Variants in BMP6 observed in about 807,000 individuals in gnomAD.
The protein encoded by BMP6 is bone morphogenetic protein 6.
BMP6 carries 17 observed loss-of-function variants against 54.1 expected under a neutral mutation model. That is an observed-to-expected ratio of 0.31 (90% CI 0.22 to 0.47). The LOEUF is 0.47. Ranked by LOEUF, BMP6 falls within the 20% of genes least tolerant of loss-of-function variation. The pLI, the probability that BMP6 is intolerant of heterozygous loss-of-function variation, is 1.00. For missense variants in BMP6, 720 were observed against 690.4 expected (o/e 1.04, Z -0.48); for synonymous variants, 328 against 291.2 (o/e 1.13, Z -1.28).
intron 2 of BMP6, among the ~76,000 whole-genome samples, chr6:7,855,817 C>T (rs1759220878): frequency 6.6e-6 from 1 of 151,936 alleles, no homozygotes; most frequent in Admixed American, 6.6e-5. Flanking sequence ...GTGTGAGCCA[C>T]CATGCCCTGC....
At chr6:7,813,961 G>C (rs183122000) in intron 1 of BMP6, among the ~76,000 whole-genome samples, 100 of 152,306 alleles carry the variant, frequency 6.6e-4, no homozygotes, top group Non-Finnish European at 1.2e-3. Context: ...CTTCCTTTCA[G>C]GTTGTTGGAA....
chr6:7,731,468 T>G (rs116537594), intron 1 of BMP6, among the ~76,000 whole-genome samples: 1 of 152,256 alleles, frequency 6.6e-6, no homozygotes, highest in African/African-American at 2.4e-5. Flanking sequence ...TTTTTCTTGT[T>G]AAATTTGCTT....
At chr6:7,789,634 G>A (rs1360104985) in intron 1 of BMP6, among the ~76,000 whole-genome samples, 1 of 152,112 alleles carries the variant, frequency 6.6e-6, no homozygotes, top group Non-Finnish European at 1.5e-5. Context: ...CTCATGGAGA[G>A]GGGGTCACTT....
chr6:7,797,448 T>A (rs927684172), intron 1 of BMP6, among the ~76,000 whole-genome samples: 1 of 152,200 alleles, frequency 6.6e-6, no homozygotes, highest in African/African-American at 2.4e-5. Context: ...TAAGAATTCA[T>A]TGAGTGAAAA....
chr6:7,880,551 C>G lies in BMP6; in HGVS notation c.*208C>G. On this transcript the variant is annotated 3_prime_UTR_variant, in exon 7 of 7. Transcript: ENST00000283147. ...GACGTGAGTAGTTGTTGGTCTGTAGCAAGCTGAGTTTGGATGTCTGTAGCA... is the reference window on the plus strand; with the variant it reads ...GACGTGAGTAGTTGTTGGTCTGTAGGAAGCTGAGTTTGGATGTCTGTAGCA... 1.5e-6 allele frequency: 1 copy of G among 652,742 alleles called. No individual in the cohort carries two copies. The highest frequency in any genetic ancestry group is 2.8e-5 in the East Asian group (1 of 35,618). 40.4% of individuals were successfully genotyped at this position (652,742 alleles called of 1,614,324 possible).
At chr6:7,780,276 G>A (rs530466321) in intron 1 of BMP6, among the ~76,000 whole-genome samples, 2 of 152,016 alleles carry the variant, frequency 1.3e-5, no homozygotes, top group African/African-American at 2.4e-5. Flanking sequence ...GGCTGGGCAC[G>A]GTGGCTCATG....
At chr6:7,873,261 A>G (rs1444683222) in intron 4 of BMP6, among the ~76,000 whole-genome samples, 2 of 152,178 alleles carry the variant, frequency 1.3e-5, no homozygotes, top group Non-Finnish European at 2.9e-5. Flanking sequence ...GGGAGTTCAC[A>G]TTACCGCCCT....
chr6:7,824,356 A>G (rs889689925), intron 1 of BMP6, among the ~76,000 whole-genome samples: 1 of 152,190 alleles, frequency 6.6e-6, no homozygotes, highest in Admixed American at 6.5e-5. Flanking sequence ...CCGGCTTGGC[A>G]CGTTCTCCTT....
At chr6:7,791,070 A>G (rs1014937814) in intron 1 of BMP6, among the ~76,000 whole-genome samples, 5 of 151,974 alleles carry the variant, frequency 3.3e-5, no homozygotes, top group Non-Finnish European at 1.5e-5. Flanking sequence ...TATGGTCTAC[A>G]CTCATACTTC....
intron 1 of BMP6, among the ~76,000 whole-genome samples, chr6:7,821,017 G>A (rs1018990020): frequency 1.3e-5 from 2 of 152,244 alleles, no homozygotes; most frequent in Non-Finnish European, 1.5e-5. Flanking sequence ...TCTGCTGTGC[G>A]GCCCAATCCC....
At position 7,880,389 on chromosome 6, in the gene BMP6, G is replaced by A. The variant is rs1387870545; in HGVS notation, c.*46G>A. On this transcript the variant is annotated 3_prime_UTR_variant, in exon 7 of 7. Transcript: ENST00000283147. ...ACACACATTCTGCCTTGGATTCCTA[G>A]ATTACATCTGCCTTAAAAAAACACG... 4 of 1,608,622 alleles carry A rather than the reference G, an allele frequency of 2.5e-6. No individual in the cohort carries two copies. The highest frequency in any genetic ancestry group is 3.4e-6 in the Non-Finnish European group (4 of 1,175,844).
chr6:7,812,227 T>G (rs915564690), intron 1 of BMP6, among the ~76,000 whole-genome samples: 3 of 152,228 alleles, frequency 2.0e-5, no homozygotes, highest in African/African-American at 7.2e-5. Context: ...ACTCAGTGAA[T>G]TAATTCCATA....
intron 1 of BMP6, among the ~76,000 whole-genome samples, chr6:7,826,587 G>T (rs373935894): frequency 6.6e-6 from 1 of 152,224 alleles, no homozygotes; most frequent in Non-Finnish European, 1.5e-5. Context: ...AATTGCTTTG[G>T]TGGGAGATTT....
intron 4 of BMP6, among the ~76,000 whole-genome samples, chr6:7,873,066 A>G (rs1294199597): frequency 2.6e-5 from 4 of 152,058 alleles, no homozygotes; most frequent in South Asian, 2.1e-4. Context: ...TTAGCCTCCA[A>G]TAGTGCTGGG....
intron 4 of BMP6, among the ~76,000 whole-genome samples, chr6:7,863,315 G>A (rs759321225): frequency 1.1e-4 from 16 of 152,260 alleles, no homozygotes; most frequent in Non-Finnish European, 1.8e-4. Flanking sequence ...CTGTCTTTAG[G>A]CATGGCTGGA....
chr6:7,734,937 T>C (rs1195817196), intron 1 of BMP6, among the ~76,000 whole-genome samples: 1 of 152,266 alleles, frequency 6.6e-6, no homozygotes, highest in East Asian at 1.9e-4. Flanking sequence ...TTTATAGGCA[T>C]ACGCCCTTGA....
At chr6:7,861,649 C>G (rs771839807) in intron 3 of BMP6, 50 bp downstream of exon 3, 1 of 1,605,770 alleles carries the variant, frequency 6.2e-7, no homozygotes, top group East Asian at 2.2e-5. Context: ...ATCAGTTTCA[C>G]ACATTTCCCT....
intron 4 of BMP6, among the ~76,000 whole-genome samples, chr6:7,877,627 G>GA (rs370085398): frequency 9.4e-4 from 130 of 137,636 alleles, no homozygotes; most frequent in African/African-American, 1.2e-3. Flanking sequence ...TGTCTCAAAA[G>GA]AAAAAAAAAA....
At chr6:7,779,451 ACCTCAG>A (rs1757908266) in intron 1 of BMP6, among the ~76,000 whole-genome samples, 1 of 151,678 alleles carries the variant, frequency 6.6e-6, no homozygotes, top group East Asian at 1.9e-4. Flanking sequence ...TGATTCTCCT[ACCTCAG>A]CCTCCCGAGT....
Sources: allele counts gnomAD v4.1 joint callset (sites outside exome capture counted in the v4.1 genomes callset), GRCh38; gene constraint gnomAD v4.1.1; transcripts MANE v1.5; gene names NCBI Gene and HGNC (gene_info 2026-07-23, HGNC 2026-07-21).